Variants in NXPE2 observed in about 807,000 individuals in gnomAD.
The protein encoded by NXPE2 is NXPE family member 2.
NXPE2 carries 34 observed loss-of-function variants against 34.4 expected under a neutral mutation model. That is an observed-to-expected ratio of 0.99 (90% CI 0.75 to 1.31). The LOEUF (loss-of-function observed/expected upper bound fraction) is 1.31. Ranked by LOEUF, NXPE2 falls within the 40% of genes most tolerant of loss-of-function variation. The pLI, the probability that NXPE2 is intolerant of heterozygous loss-of-function variation, is 0.00. For missense variants in NXPE2, 649 were observed against 672.5 expected, an observed-to-expected ratio of 0.97 and a Z score of 0.39; for synonymous variants, 235 against 231.3, an observed-to-expected ratio of 1.02 and a Z score of -0.15.
chr11:114,616,663 G>C, the NXPE2 span, among the ~76,000 whole-genome samples: 1 of 151,672 alleles, frequency 6.6e-6, no homozygotes, highest in African/African-American at 2.4e-5. Flanking sequence ...GGTAACCACT[G>C]TTACCCGTTG....
chr11:114,706,738 A>G lies in NXPE2; in HGVS notation c.1488A>G (p.Glu496=). 6.4e-7 allele frequency: 1 copy of G among 1,552,400 alleles called. No homozygotes were observed. Among genetic ancestry groups the G allele is most frequent in the South Asian group, 1.2e-5 (1 of 84,066 alleles). ...ILKTENTREI[E]QNAEMFSDFH... ...AAACTGAAAACACCAGAGAGATAGA[A>G]CAAAATGCAGAGATGTTCAGTGACT... The change falls in exon 6 of 6, where the codon GAA becomes GAG. Residue 496 remains glutamate, a synonymous_variant. Transcript: ENST00000389586.
the NXPE2 span, among the ~76,000 whole-genome samples, chr11:114,629,170 T>C: frequency 6.6e-6 from 1 of 152,190 alleles, no homozygotes; most frequent in East Asian, 1.9e-4. Context: ...TAACTCATTT[T>C]ATGAGGCCAG....
chr11:114,552,838 T>C, the NXPE2 span: 1 of 964,010 alleles, frequency 1.0e-6, no homozygotes, highest in Non-Finnish European at 1.2e-6. Flanking sequence ...TTCTGTAAAA[T>C]ACTGGGTACT....
Position 114,698,539 on chromosome 11 carries a change from A to T in NXPE2, c.627A>T (p.Gln209His), listed in dbSNP as rs749142046. The T allele has an allele frequency of 1.9e-6, 3 of 1,614,132 alleles. No individual in the cohort carries two copies. The highest frequency in any genetic ancestry group is 1.7e-5 in the Admixed American group (1 of 60,018). The change falls in exon 3 of 6, where the codon CAA (glutamine) becomes CAT (histidine). Residue 209 changes from glutamine to histidine, a missense_variant. Transcript: ENST00000389586. ...CAGCTCTCTGGAGGGCAAGGAACCAAGGATGTGATAGGATCATCTTCACTG... is the reference window on the plus strand; with the variant it reads ...CAGCTCTCTGGAGGGCAAGGAACCATGGATGTGATAGGATCATCTTCACTG... ...GVSALWRARNQGCDRIIFTGL... is the reference protein window; with the variant it reads ...GVSALWRARNHGCDRIIFTGL...
chr11:114,581,850 T>C, the NXPE2 span: 8 of 1,090,916 alleles, frequency 7.3e-6, no homozygotes, highest in Non-Finnish European at 1.1e-5. Flanking sequence ...ATACAGAAAC[T>C]AGATTATCCA....
the NXPE2 span, among the ~76,000 whole-genome samples, chr11:114,618,273 T>A: frequency 2.0e-5 from 3 of 152,020 alleles, no homozygotes; most frequent in African/African-American, 7.2e-5. Flanking sequence ...CACTGGATAA[T>A]AAGTATTACC....
chr11:114,587,943 C>G, the NXPE2 span, among the ~76,000 whole-genome samples: 1 of 152,314 alleles, frequency 6.6e-6, no homozygotes, highest in East Asian at 1.9e-4. Flanking sequence ...AATTTTAATA[C>G]TATCCAACAA....
the NXPE2 span, among the ~76,000 whole-genome samples, chr11:114,557,546 C>T: frequency 6.6e-6 from 1 of 150,420 alleles, no homozygotes; most frequent in Admixed American, 6.6e-5. Context: ...CTACCTTAGC[C>T]TCCCATGTAG....
chr11:114,709,850 C>G (rs957505203), downstream of NXPE2, among the ~76,000 whole-genome samples: 1 of 151,032 alleles, frequency 6.6e-6, no homozygotes, highest in Non-Finnish European at 1.5e-5. Context: ...TGCAGTGAGC[C>G]AAGATCATGC....
the NXPE2 span, among the ~76,000 whole-genome samples, chr11:114,537,211 C>T: frequency 5.9e-5 from 9 of 152,244 alleles, no homozygotes; most frequent in South Asian, 1.9e-3. Flanking sequence ...GCAGAAAGGG[C>T]CTTTGACAAA....
the NXPE2 span, among the ~76,000 whole-genome samples, chr11:114,646,334 A>G: frequency 1.3e-5 from 2 of 151,722 alleles, no homozygotes; most frequent in Non-Finnish European, 2.9e-5. Flanking sequence ...AAATATAAAT[A>G]ACTTAATCAA....
the NXPE2 span, among the ~76,000 whole-genome samples, chr11:114,647,005 C>G: frequency 1.3e-5 from 2 of 152,188 alleles, no homozygotes; most frequent in Non-Finnish European, 2.9e-5. Flanking sequence ...GAGACACTGA[C>G]GGCACACCTT....
chr11:114,586,801 G>A, the NXPE2 span, among the ~76,000 whole-genome samples: 1 of 152,068 alleles, frequency 6.6e-6, no homozygotes, highest in Admixed American at 6.6e-5. Context: ...CAACTTCCAT[G>A]TCTCCTATCC....
At chr11:114,576,307 C>A in the NXPE2 span, among the ~76,000 whole-genome samples, 1 of 151,880 alleles carries the variant, frequency 6.6e-6, no homozygotes, top group African/African-American at 2.4e-5. Context: ...ACTTTATGAC[C>A]AAGGACCCAA....
chr11:114,573,961 C>T, the NXPE2 span, among the ~76,000 whole-genome samples: 1 of 151,930 alleles, frequency 6.6e-6, no homozygotes, highest in Non-Finnish European at 1.5e-5. Flanking sequence ...TATGATAGGC[C>T]ACAAAACAAG....
the NXPE2 span, chr11:114,582,849 T>A: frequency 6.2e-7 from 1 of 1,614,144 alleles, no homozygotes; most frequent in Non-Finnish European, 8.5e-7. Context: ...GGTGTTCACG[T>A]GGGTGAAAGG....
At chr11:114,651,067 T>C in the NXPE2 span, among the ~76,000 whole-genome samples, 16 of 151,232 alleles carry the variant, frequency 1.1e-4, no homozygotes, top group African/African-American at 3.9e-4. Context: ...ATAGCTAGCA[T>C]AATGTATAAT....
At chr11:114,797,229 C>T in the NXPE2 span, among the ~76,000 whole-genome samples, 2 of 152,272 alleles carry the variant, frequency 1.3e-5, no homozygotes, top group African/African-American at 2.4e-5. Context: ...CACTATATCC[C>T]AAGTGCCTAG....
In NXPE2 at chr11:114,697,157, A is replaced by G. The variant is rs554121237; in HGVS notation, c.133-888A>G. 9.2e-5 allele frequency among the ~76,000 whole-genome samples: 14 copies of G among 152,340 alleles called. No homozygotes were observed. In the South Asian group the frequency reaches 2.3e-3, roughly 25 times the overall value. On this transcript the variant is annotated intron_variant, in intron 2 of 5. Transcript: ENST00000389586. ...AATAAGGACGTGCCACTATATTTAGAAAAACACTCTTTGATGATGTAAATA... is the reference window on the plus strand; with the variant it reads ...AATAAGGACGTGCCACTATATTTAGGAAAACACTCTTTGATGATGTAAATA...
Sources: allele counts gnomAD v4.1 joint callset (sites outside exome capture counted in the v4.1 genomes callset), GRCh38; gene constraint gnomAD v4.1.1; transcripts MANE v1.5; gene names NCBI Gene and HGNC (gene_info 2026-07-23, HGNC 2026-07-21).